DNAH7: variants seen among roughly 807,000 people sequenced by gnomAD.
The protein encoded by DNAH7 is axonemal beta dynein heavy chain 7.
A neutral mutation model predicts 444.6 loss-of-function variants in DNAH7; 397 were observed. That is an observed-to-expected ratio of 0.89 (90% CI 0.82 to 0.97). The LOEUF (loss-of-function observed/expected upper bound fraction) is 0.97, where lower values mean the gene tolerates loss of function less well. Among genes scored for constraint, DNAH7 ranks in the 50% least tolerant of loss-of-function variants. DNAH7 has a pLI of 0.00. For synonymous variants in DNAH7, 1,636 were observed against 1,624.4 expected (o/e 1.01, Z -0.17); for missense variants, 4,902 against 4,800.8 (o/e 1.02, Z -0.62).
intron 9 of DNAH7, among the ~76,000 whole-genome samples, chr2:196,013,955 G>A (rs960559733): frequency 7.9e-5 from 12 of 152,180 alleles, no homozygotes; most frequent in Non-Finnish European, 1.3e-4. Flanking sequence ...AATTCACCTT[G>A]CCATTGAGCC....
At chr2:195,952,313 T>C (rs1302704895) in intron 19 of DNAH7, among the ~76,000 whole-genome samples, 1 of 152,216 alleles carries the variant, frequency 6.6e-6, no homozygotes, top group Non-Finnish European at 1.5e-5. Context: ...GTTAGTTCAA[T>C]GGGCTTCCCT....
intron 63 of DNAH7, among the ~76,000 whole-genome samples, chr2:195,744,269 G>A (rs1423893085): frequency 6.6e-6 from 1 of 152,210 alleles, no homozygotes; most frequent in African/African-American, 2.4e-5. Flanking sequence ...TGCTAGCACA[G>A]CAGTCTGAGA....
At chr2:195,795,404 C>G (rs1387751262) in intron 56 of DNAH7, among the ~76,000 whole-genome samples, 1 of 152,166 alleles carries the variant, frequency 6.6e-6, no homozygotes. Context: ...ACAACAACAA[C>G]AAACACCTCT....
At chr2:195,949,590 T>G (rs115282693) in intron 19 of DNAH7, among the ~76,000 whole-genome samples, 1 of 152,122 alleles carries the variant, frequency 6.6e-6, no homozygotes, top group Admixed American at 6.5e-5. Context: ...GGCTTACCCT[T>G]TATTTCTTTA....
At chr2:195,757,056 G>A (rs1694110037) in intron 61 of DNAH7, among the ~76,000 whole-genome samples, 3 of 151,906 alleles carry the variant, frequency 2.0e-5, no homozygotes. Flanking sequence ...TCAAACTGCT[G>A]GCCTCAAGCA....
chr2:195,905,056 CA>C (rs1283296935), intron 27 of DNAH7: 1 of 152,088 alleles, frequency 6.6e-6, no homozygotes, highest in African/African-American at 2.4e-5. Context: ...ACATTATCCC[CA>C]AGAACTACCA....
intron 60 of DNAH7, among the ~76,000 whole-genome samples, chr2:195,772,859 C>A (rs550112533): frequency 6.6e-6 from 1 of 150,384 alleles, no homozygotes; most frequent in East Asian, 2.0e-4. Context: ...CCGTTCGCTG[C>A]AACCTCTGCC....
At chr2:195,814,173 G>A (rs761784272) in intron 51 of DNAH7, among the ~76,000 whole-genome samples, 2 of 152,146 alleles carry the variant, frequency 1.3e-5, no homozygotes, top group Non-Finnish European at 2.9e-5. Flanking sequence ...TCTGATTTCT[G>A]CACGTTTCTT....
chr2:195,995,206 G>C (rs900103122), intron 12 of DNAH7: 5 of 374,478 alleles, frequency 1.3e-5, no homozygotes, highest in African/African-American at 1.1e-4. Context: ...GGGATTACAG[G>C]CATGAGCCAA....
chr2:195,749,466 C>T (rs1310423215), intron 63 of DNAH7, among the ~76,000 whole-genome samples: 1 of 152,072 alleles, frequency 6.6e-6, no homozygotes, highest in Non-Finnish European at 1.5e-5. Flanking sequence ...ATTTGACCCA[C>T]CCATCCCATT....
intron 9 of DNAH7, among the ~76,000 whole-genome samples, chr2:196,015,996 A>G (rs1231904239): frequency 6.6e-6 from 1 of 152,220 alleles, no homozygotes; most frequent in Non-Finnish European, 1.5e-5. Flanking sequence ...GATGCCTTGA[A>G]GTTTGCTTCA....
chr2:196,033,226 G>A (rs536520927), intron 5 of DNAH7, among the ~76,000 whole-genome samples: 31 of 152,222 alleles, frequency 2.0e-4, no homozygotes, highest in East Asian at 1.2e-3. Context: ...GGTAAAAAGT[G>A]TTATGATTTA....
At chr2:195,948,350 T>C (rs1049277422) in intron 19 of DNAH7, among the ~76,000 whole-genome samples, 7 of 152,340 alleles carry the variant, frequency 4.6e-5, no homozygotes, top group East Asian at 1.9e-4. Context: ...GGTGTTTTAG[T>C]CTTGAAGGCT....
intron 41 of DNAH7, 85 bp downstream of exon 41, chr2:195,864,064 C>T: frequency 1.5e-6 from 2 of 1,372,294 alleles, no homozygotes; most frequent in Non-Finnish European, 9.9e-7. Context: ...GGGTAAACTA[C>T]AGGTTGGGAA....
intron 54 of DNAH7, 24 bp downstream of exon 54, chr2:195,806,716 G>C: frequency 6.3e-7 from 1 of 1,590,104 alleles, no homozygotes; most frequent in Non-Finnish European, 8.6e-7. Flanking sequence ...GAATCATTGA[G>C]CTGTTTTCAA....
At chr2:195,883,136 G>A (rs1178732765) in intron 35 of DNAH7, among the ~76,000 whole-genome samples, 1 of 152,028 alleles carries the variant, frequency 6.6e-6, no homozygotes, top group Non-Finnish European at 1.5e-5. Flanking sequence ...ATACTGTATA[G>A]GAAAGGAACC....
intron 2 of DNAH7, among the ~76,000 whole-genome samples, chr2:196,057,810 C>G (rs938641563): frequency 6.6e-6 from 1 of 152,176 alleles, no homozygotes; most frequent in Non-Finnish European, 1.5e-5. Context: ...AAATTTTATT[C>G]TGTAAAATCT....
chr2:196,047,512 C>CAAA lies in DNAH7; in HGVS notation c.251-16_251-14dup. 2.3e-6 allele frequency: 3 copies of CAAA among 1,326,378 alleles called. No homozygotes were observed. Among genetic ancestry groups the CAAA allele is most frequent in the South Asian group, 1.7e-5 (1 of 59,586 alleles). 82.2% of individuals were successfully genotyped at this position (1,326,378 alleles called of 1,614,324 possible). On this transcript the variant is annotated splice_polypyrimidine_tract_variant and intron_variant, in intron 4 of 64. Transcript: ENST00000312428. ...TCCATGTATTCAGCTTAAATTAAAA[C>CAAA]AAAAAAAAAAGCACAATTATTCATC...
chr2:195,988,026 A>C lies in DNAH7; in HGVS notation c.1557T>G (p.Tyr519Ter). The C allele has an allele frequency of 6.2e-7, 1 of 1,613,148 alleles. No homozygotes were observed. Among genetic ancestry groups the C allele is most frequent in the Non-Finnish European group, 8.5e-7 (1 of 1,179,540 alleles). ...TGCAAATTTCATCTATTATTTTTTCATAACTATGATTTTCTGCGAGGAAGT... is the reference window on the plus strand; with the variant it reads ...TGCAAATTTCATCTATTATTTTTTCCTAACTATGATTTTCTGCGAGGAAGT... ...VDNFLAENHSYEKIIDEICKY... is the reference protein window; with the variant it reads ...VDNFLAENHS Residue 519 changes from tyrosine (Y) to a stop codon, truncating the protein, a stop_gained, in exon 13 of 65, where the codon TAT (tyrosine) becomes TAG (stop). Transcript: ENST00000312428. LOFTEE classifies it high-confidence loss of function.
Sources: gnomAD v4.1 joint callset for allele counts (sites outside exome capture counted in the v4.1 genomes callset) on GRCh38, gnomAD v4.1.1 for gene constraint, MANE v1.5 for transcripts, NCBI Gene and HGNC (gene_info 2026-07-23, HGNC 2026-07-21) for gene names.